Variants in CROCC observed in about 807,000 individuals in gnomAD.
The protein encoded by CROCC is ciliary rootlet coiled-coil, rootletin.
In CROCC, 180 loss-of-function variants were observed where a neutral mutation model predicts 245.2. That is an observed-to-expected ratio of 0.73 (90% CI 0.65 to 0.83). The LOEUF (loss-of-function observed/expected upper bound fraction) is 0.83. CROCC is among the 40% of genes least tolerant of loss of function. CROCC has a pLI of 0.00. For missense variants in CROCC, 2,688 were observed against 2,779.4 expected (o/e 0.97, Z 0.74); for synonymous variants, 1,205 against 1,241.6 (o/e 0.97, Z 0.62).
chr1:16,929,705 C>T (rs2075619784), intron 3 of CROCC, 141 bp from the exon 4 acceptor site: 4 of 1,406,324 alleles, frequency 2.8e-6, no homozygotes, highest in African/African-American at 1.4e-5. Flanking sequence ...CTGGGCTTGC[C>T]CACATGTGCT....
In CROCC at chr1:16,954,890, C is replaced by G. The variant is rs534300793; in HGVS notation, c.3465+13C>G. 718 of 1,515,624 alleles carry G rather than the reference C, an allele frequency of 4.7e-4. 7 individuals are homozygous for G. The South Asian group carries it at 8.4e-3, about 18-fold the overall frequency. The allele number at this position is 1,515,624 out of a possible 1,614,324, so 93.9% of individuals were successfully genotyped here. A position where few individuals can be genotyped will look rare whatever the true frequency, so the allele number is the denominator to read the frequency against. On this transcript the variant is annotated intron_variant, in intron 23 of 36. Coordinates refer to ENST00000375541, the MANE Select transcript of CROCC (RefSeq NM_014675.5). The surrounding 1 kb of genome is among the most constrained non-coding windows in gnomAD (Gnocchi z 4.4). ...CTGTCTTCGCGAGGTGAGCAGCCGC[C>G]CCCCTCTTCCAAGCAGCATACCCTA...
At position 16,948,420 on chromosome 1, in the gene CROCC, C is replaced by T; in HGVS notation, c.2604C>T (p.Ala868=). ...QRQVEALERA[A]REKEALAKEH... is the part of the protein sequence containing the mutation. ...AAGTGGAGGCGCTGGAGCGAGCGGC[C>T]CGTGAGAAGGAGGCGCTAGCCAAGG... The change falls in exon 18 of 37, where the codon GCC becomes GCT. Residue 868 remains alanine, a synonymous_variant. Coordinates refer to ENST00000375541, the MANE Select transcript of CROCC (RefSeq NM_014675.5). 6.4e-7 allele frequency: 1 copy of T among 1,572,576 alleles called. No homozygotes were observed. The highest frequency in any genetic ancestry group is 2.3e-5 in the East Asian group (1 of 43,594).
At chr1:16,971,387 A>C in intron 35 of CROCC, 78 bp from the exon 36 acceptor site, 1 of 1,444,398 alleles carries the variant, frequency 6.9e-7, no homozygotes, top group Non-Finnish European at 9.1e-7. Context: ...TGTCCCAGGG[A>C]GGTACCTGAC....
rs1430127496 is a variant in CROCC, at chr1:16,939,123, AGCGCCAGCT to A, written c.1592_1600del (p.Arg531_Leu533del). ...GCCCTGATCCACTCCGCCCTGCACA[AGCGCCAGCT>A]GCAGGTCCAGGTAGGAAGGGGCTTG... On this transcript the variant is annotated inframe_deletion, in exon 12 of 37. Coordinates refer to ENST00000375541, the MANE Select transcript of CROCC (RefSeq NM_014675.5). 6.5e-7 allele frequency: 1 copy of A among 1,532,786 alleles called. No homozygotes were observed. Among genetic ancestry groups the A allele is most frequent in the Admixed American group, 2.2e-5 (1 of 45,210 alleles). 94.9% of individuals were successfully genotyped at this position (1,532,786 alleles called of 1,614,324 possible). A position where few individuals can be genotyped will look rare whatever the true frequency, so the allele number is the denominator to read the frequency against.
rs369777976 is a variant in CROCC, at chr1:16,965,730, G to T, written c.4413G>T (p.Gly1471=). 41 of 1,608,614 alleles carry T rather than the reference G, an allele frequency of 2.5e-5. No homozygotes were observed. The African/African-American group carries it at 4.3e-4, about 17-fold the overall frequency. The part of the protein sequence containing the change: ...PARDAPAEGS[G]EGLNSPSTLE... The stretch of plus-strand genomic sequence containing the variant: ...GTCTTCTTTCTCTTCTAGGAAGCGG[G>T]GAAGGGCTCAACAGCCCCAGCACCT... The change falls in exon 28 of 37, where the codon GGG becomes GGT. Residue 1471 remains glycine, a synonymous_variant. Transcript: ENST00000375541.
chr1:16,951,598 G>A (rs1382688553), intron 20 of CROCC, among the ~76,000 whole-genome samples: 2 of 152,252 alleles, frequency 1.3e-5, no homozygotes, highest in Admixed American at 6.5e-5. Flanking sequence ...AATAGGGATA[G>A]GATAGTGAAA....
chr1:16,946,235 A>C, intron 15 of CROCC, 24 bp from the exon 16 acceptor site: 2 of 1,599,994 alleles, frequency 1.3e-6, no homozygotes, highest in South Asian at 1.1e-5. Context: ...GCCTTTCCTC[A>C]TTTCTCGGGG....
chr1:16,936,021 C>T (rs1252410389), intron 8 of CROCC, among the ~76,000 whole-genome samples: 1 of 130,990 alleles, frequency 7.6e-6, no homozygotes. Flanking sequence ...TAGGGGAGGG[C>T]CTGTTACCCC....
intron 20 of CROCC, chr1:16,952,987 C>G: frequency 3.1e-6 from 1 of 322,436 alleles, no homozygotes; most frequent in South Asian, 4.3e-5. Flanking sequence ...CCTCTGCACC[C>G]TGCATCCTCT....
At chr1:16,928,873 C>G (rs1228720364) in intron 3 of CROCC, among the ~76,000 whole-genome samples, 11 of 152,178 alleles carry the variant, frequency 7.2e-5, no homozygotes, top group African/African-American at 2.4e-4. Context: ...GTCGCCCAGG[C>G]TGGAGTGCAG....
intron 24 of CROCC, 29 bp from the exon 25 acceptor site, chr1:16,955,968 G>A (rs1233034887): frequency 1.3e-6 from 2 of 1,548,518 alleles, no homozygotes; most frequent in African/African-American, 2.7e-5. Flanking sequence ...CCAGGACCCA[G>A]GGCAGCCCCT....
chr1:16,921,235 A>G (rs1011216197), upstream of CROCC, among the ~76,000 whole-genome samples: 1 of 152,268 alleles, frequency 6.6e-6, no homozygotes, highest in Non-Finnish European at 1.5e-5. Flanking sequence ...AGAGAGGCAA[A>G]GTCAGTGTCC....
At position 16,970,749 on chromosome 1, in the gene CROCC, G is replaced by T; in HGVS notation, c.5766G>T (p.Arg1922Ser). The change falls in exon 35 of 37, where the codon AGG becomes AGT. Residue 1922 changes from arginine to serine, a missense_variant. Around this residue, in one of 9 missense-constraint regions of CROCC, gnomAD observed 1,218 missense variants for 1,286.3 expected, o/e 0.95. Transcript: ENST00000375541. ...AGCTGGAGCTGGCAGAGGCGCAGAGGCAGATCCAGCAGCTGGAGGTCTGAC... is the reference window on the plus strand; with the variant it reads ...AGCTGGAGCTGGCAGAGGCGCAGAGTCAGATCCAGCAGCTGGAGGTCTGAC... ...GAELELAEAQ[R>S]QIQQLEAQVV... The T allele has an allele frequency of 6.3e-7, 1 of 1,593,008 alleles. No individual in the cohort carries two copies.
chr1:16,956,179 T>C lies in CROCC; in HGVS notation c.3864+23T>C, dbSNP rs1286136121. 7.9e-6 allele frequency: 12 copies of C among 1,516,644 alleles called. No individual in the cohort carries two copies. In the Admixed American group the frequency reaches 2.5e-4, roughly 32 times the overall value. 93.9% of individuals were successfully genotyped at this position (1,516,644 alleles called of 1,614,324 possible). A position where few individuals can be genotyped will look rare whatever the true frequency, so the allele number is the denominator to read the frequency against. Reference sequence around the variant, plus strand: ...CAGGTACTCTCCCTGTGCCACCCCTTAGCCTGGGGCTTGCTGTGTGCCCCG... The same window carrying C: ...CAGGTACTCTCCCTGTGCCACCCCTCAGCCTGGGGCTTGCTGTGTGCCCCG... On this transcript the variant is annotated intron_variant, in intron 25 of 36. Transcript: ENST00000375541.
intron 19 of CROCC, among the ~76,000 whole-genome samples, 172 bp from the exon 20 acceptor site, chr1:16,950,781 T>A (rs2076146021): frequency 6.6e-6 from 1 of 152,182 alleles, no homozygotes; most frequent in Non-Finnish European, 1.5e-5. Flanking sequence ...ATGTAGCATA[T>A]AGGGAAACTG....
chr1:16,936,611 T>C (rs1257391882), intron 8 of CROCC, 26 bp from the exon 9 acceptor site: 1 of 1,553,540 alleles, frequency 6.4e-7, no homozygotes, highest in Non-Finnish European at 8.7e-7. Flanking sequence ...GCCCCATCCA[T>C]CCCCAGCCTG....
rs1338625267 is a variant in CROCC, at chr1:16,939,118, G to C, written c.1584G>C (p.Leu528=). ...SSTLALIHSA[L]HKRQLQVQDM... ...CGCTCGCCCTGATCCACTCCGCCCT[G>C]CACAAGCGCCAGCTGCAGGTCCAGG... Residue 528 remains leucine (L), a synonymous_variant, in exon 12 of 37, where the codon CTG becomes CTC. Coordinates refer to ENST00000375541, the MANE Select transcript of CROCC (RefSeq NM_014675.5). 6.5e-7 allele frequency: 1 copy of C among 1,539,656 alleles called. No homozygotes were observed. Among genetic ancestry groups the C allele is most frequent in the Non-Finnish European group, 8.7e-7 (1 of 1,154,320 alleles).
chr1:16,943,951 C>A, intron 13 of CROCC, 149 bp from the exon 14 acceptor site: 1 of 770,300 alleles, frequency 1.3e-6, no homozygotes, highest in Non-Finnish European at 2.1e-6. Flanking sequence ...ATGAGTCAGC[C>A]ATGGACAGGG....
rs1301571634 is a variant in CROCC at position 16,971,501 on chromosome 1, G to A, written c.5821G>A (p.Ala1941Thr). Residue 1941 changes from alanine to threonine, a missense_variant, in exon 36 of 37, where the codon GCC becomes ACC. Physicochemically the swap from Ala to Thr is moderately conservative, Grantham distance 58 (BLOSUM62 0). Around this residue, in one of 9 missense-constraint regions of CROCC, gnomAD observed 1,218 missense variants for 1,286.3 expected, o/e 0.95. Transcript: ENST00000375541. The stretch of plus-strand genomic sequence containing the variant: ...GGTGCTGGAGCAGAGCCACAGCCCG[G>A]CCCAGCTGGAGGTGGATGCGCAGCA... Reference protein sequence around the residue: ...VVVLEQSHSPAQLEVDAQQQQ... With the variant: ...VVVLEQSHSPTQLEVDAQQQQ... The A allele has an allele frequency of 6.5e-6, 10 of 1,536,938 alleles. No homozygotes were observed. The highest frequency in any genetic ancestry group is 8.7e-6 in the Non-Finnish European group (10 of 1,146,442).
Sources: allele counts gnomAD v4.1 joint callset (sites outside exome capture counted in the v4.1 genomes callset), GRCh38; gene constraint gnomAD v4.1.1; regional missense constraint gnomAD v4.1.1; non-coding constraint Gnocchi (gnomAD v3.1); transcripts MANE v1.5; gene names NCBI Gene and HGNC (gene_info 2026-07-23, HGNC 2026-07-21).